The following ATRN variants were observed in gnomAD, a reference collection of about 807,000 sequenced individuals.
ATRN encodes attractin.
A neutral mutation model predicts 178.7 loss-of-function variants in ATRN; 54 were observed. The observed-to-expected ratio is 0.30, with a 90% confidence interval of 0.24 to 0.38. ATRN has a LOEUF of 0.38. Ranked by LOEUF, ATRN falls within the 10% of genes least tolerant of loss-of-function variation. The pLI is 1.00. For missense variants in ATRN, 1,443 were observed against 1,815.1 expected, an observed-to-expected ratio of 0.79 and a Z score of 3.73; for synonymous variants, 636 against 663.0, an observed-to-expected ratio of 0.96 and a Z score of 0.63.
chr20:3,634,166 C>T (rs1369676465), intron 25 of ATRN, 145 bp from the exon 26 acceptor site: 16 of 653,156 alleles, frequency 2.4e-5, no homozygotes, highest in African/African-American at 3.6e-5. Context: ...CCTCCTGAGC[C>T]GGCACATTGT....
chr20:3,499,705 A>T (rs1286824426), intron 1 of ATRN, among the ~76,000 whole-genome samples: 2 of 148,866 alleles, frequency 1.3e-5, no homozygotes, highest in Non-Finnish European at 3.0e-5. Context: ...AAAGACTTAA[A>T]CGTTAGACCT....
rs534248842 is a variant in ATRN, at chr20:3,489,731, C to T, written c.410+18214C>T. 337 of 1,567,954 alleles carry T rather than the reference C, an allele frequency of 2.1e-4. 1 individual carries two copies. In the African/African-American group the frequency reaches 4.1e-3, roughly 19 times the overall value. On this transcript the variant is annotated intron_variant, in intron 1 of 28. Transcript: ENST00000262919. ...CAGTGTTTGGGATGCCCAAACACCT[C>T]ATGCCATGAGCATGATGCTATTCAG...
chr20:3,521,780 A>G (rs549145328), intron 1 of ATRN, among the ~76,000 whole-genome samples: 40 of 152,090 alleles, frequency 2.6e-4, no homozygotes, highest in Non-Finnish European at 5.1e-4. Context: ...ATTTGAAACC[A>G]TATGTCATGT....
Position 3,565,358 on chromosome 20 carries a change from C to G in ATRN, c.1797C>G (p.Arg599=). The G allele has an allele frequency of 6.2e-7, 1 of 1,613,828 alleles. No individual in the cohort carries two copies. The highest frequency in any genetic ancestry group is 1.1e-5 in the South Asian group (1 of 91,072). ...TTTTCTTTCTCCTAGCCTGTGACCG[C>G]TGGTCAGTGCTTCCCAGACCTGATC... The part of the protein sequence containing the change: ...DFMAYDIACD[R]WSVLPRPDLH... The change falls in exon 11 of 29, where the codon CGC becomes CGG. Residue 599 remains arginine, a synonymous_variant. Transcript: ENST00000262919.
chr20:3,561,677 A>G (rs933695675), intron 8 of ATRN, among the ~76,000 whole-genome samples: 3 of 152,184 alleles, frequency 2.0e-5, no homozygotes, highest in African/African-American at 7.2e-5. Flanking sequence ...CCTATAAAAT[A>G]TATCTGTATA....
chr20:3,606,682 A>G (rs2086681415), intron 24 of ATRN, among the ~76,000 whole-genome samples: 1 of 152,222 alleles, frequency 6.6e-6, no homozygotes. Flanking sequence ...CATTCCTGGG[A>G]TAAACCCAAC....
At chr20:3,554,441 T>C (rs2085837176) in intron 6 of ATRN, among the ~76,000 whole-genome samples, 1 of 152,086 alleles carries the variant, frequency 6.6e-6, no homozygotes, top group South Asian at 2.1e-4. Context: ...GTTCACACCA[T>C]TCTCCTGCCT....
At chr20:3,575,987 A>C in intron 13 of ATRN, 39 bp downstream of exon 13, 2 of 1,606,740 alleles carry the variant, frequency 1.2e-6, no homozygotes, top group Non-Finnish European at 1.7e-6. Flanking sequence ...AAAAATCCCA[A>C]TTTGTCATAG....
At chr20:3,598,697 G>A (rs981611441) in intron 22 of ATRN, among the ~76,000 whole-genome samples, 1 of 152,170 alleles carries the variant, frequency 6.6e-6, no homozygotes, top group Non-Finnish European at 1.5e-5. Context: ...TACAGAACAC[G>A]AAGATGCACC....
At chr20:3,558,639 T>C (rs541193763) in intron 6 of ATRN, among the ~76,000 whole-genome samples, 1 of 152,124 alleles carries the variant, frequency 6.6e-6, no homozygotes, top group African/African-American at 2.4e-5. Flanking sequence ...TACTTAATGA[T>C]ATTTATTTCT....
At chr20:3,626,879 C>T (rs1161685285) in intron 25 of ATRN, among the ~76,000 whole-genome samples, 4 of 151,272 alleles carry the variant, frequency 2.6e-5, no homozygotes, top group Non-Finnish European at 4.4e-5. Context: ...CGCCGCCTCC[C>T]GGGTTCAAGC....
intron 1 of ATRN, among the ~76,000 whole-genome samples, chr20:3,507,254 A>G (rs969109506): frequency 3.3e-5 from 5 of 151,978 alleles, no homozygotes; most frequent in Middle Eastern, 3.4e-3. Flanking sequence ...AAAAATACAA[A>G]AAAAATTTAG....
chr20:3,491,866 A>C (rs1274511321), intron 1 of ATRN, among the ~76,000 whole-genome samples: 1 of 152,190 alleles, frequency 6.6e-6, no homozygotes, highest in Non-Finnish European at 1.5e-5. Flanking sequence ...ATAACCATAA[A>C]AAATTTCTGG....
intron 9 of ATRN, 129 bp from the exon 10 acceptor site, chr20:3,563,080 G>C (rs1268575593): frequency 7.6e-6 from 6 of 793,888 alleles, no homozygotes; most frequent in Non-Finnish European, 1.1e-5. Context: ...CTTTTATGTA[G>C]GGAAAACTCT....
chr20:3,557,777 A>G (rs532439316), intron 6 of ATRN, among the ~76,000 whole-genome samples: 52 of 152,358 alleles, frequency 3.4e-4, no homozygotes, highest in African/African-American at 1.2e-3. Flanking sequence ...AGATTTTTCA[A>G]CTTTCAAAGC....
intron 27 of ATRN, among the ~76,000 whole-genome samples, chr20:3,640,503 A>C (rs2087059632): frequency 6.6e-6 from 1 of 152,258 alleles, no homozygotes; most frequent in Admixed American, 6.5e-5. Flanking sequence ...ACATATTGTA[A>C]GCATGATTAA....
At chr20:3,602,692 G>A (rs753832958) in intron 23 of ATRN, among the ~76,000 whole-genome samples, 2 of 151,996 alleles carry the variant, frequency 1.3e-5, no homozygotes, top group East Asian at 1.9e-4. Flanking sequence ...TGAGCCGGGC[G>A]GTGGCTCATG....
chr20:3,510,980 C>T (rs925631747), intron 1 of ATRN, among the ~76,000 whole-genome samples: 1 of 152,076 alleles, frequency 6.6e-6, no homozygotes, highest in Non-Finnish European at 1.5e-5. Context: ...GAACATTGCA[C>T]TATATAGTTT....
chr20:3,546,389 G>GTTT (rs559052230), intron 4 of ATRN, among the ~76,000 whole-genome samples: 96 of 113,392 alleles, frequency 8.5e-4, no homozygotes, highest in Admixed American at 1.5e-3. Context: ...TAGTTCAACT[G>GTTT]TTTTTTTTTT....
Sources: allele counts gnomAD v4.1 joint callset (sites outside exome capture counted in the v4.1 genomes callset), GRCh38; gene constraint gnomAD v4.1.1; transcripts MANE v1.5; gene names NCBI Gene and HGNC (gene_info 2026-07-23, HGNC 2026-07-21).